ZBTB7C: variants seen among roughly 807,000 people sequenced by gnomAD.
ZBTB7C encodes the protein zinc finger and BTB domain containing 7C.
ZBTB7C carries 8 observed loss-of-function variants against 25.7 expected under a neutral mutation model. The ratio of observed to expected loss-of-function variants is 0.31; its 90% CI spans 0.18 to 0.56. The LOEUF (loss-of-function observed/expected upper bound fraction) is 0.56, where lower values mean the gene tolerates loss of function less well. Ranked by LOEUF, ZBTB7C falls within the 20% of genes least tolerant of loss-of-function variation. The pLI, the probability that ZBTB7C is intolerant of heterozygous loss-of-function variation, is 0.91. For missense variants in ZBTB7C, 824 were observed against 855.2 expected (o/e 0.96, Z 0.46); for synonymous variants, 394 against 369.0 (o/e 1.07, Z -0.78).
chr18:48,179,054 C>T (rs2041788456), intron 3 of ZBTB7C, among the ~76,000 whole-genome samples: 1 of 152,174 alleles, frequency 6.6e-6, no homozygotes. Context: ...GATCAAACTG[C>T]CTTGCCGTTT....
At chr18:48,185,455 C>T (rs754651297) in intron 3 of ZBTB7C, 3 of 338,690 alleles carry the variant, frequency 8.9e-6, no homozygotes, top group Non-Finnish European at 1.7e-5. Context: ...CTGCCTGGCA[C>T]CTGGTGATTA....
At chr18:48,172,159 A>G (rs1281300684) in intron 3 of ZBTB7C, among the ~76,000 whole-genome samples, 1 of 152,190 alleles carries the variant, frequency 6.6e-6, no homozygotes, top group Non-Finnish European at 1.5e-5. Flanking sequence ...TAGTTTGAGA[A>G]AGGTATCTGG....
chr18:48,259,806 A>G (rs1023329989), intron 2 of ZBTB7C, among the ~76,000 whole-genome samples: 1 of 152,236 alleles, frequency 6.6e-6, no homozygotes, highest in Non-Finnish European at 1.5e-5. Context: ...CAAAACCACA[A>G]TGATATATCC....
chr18:48,319,439 G>A (rs1360844147), intron 2 of ZBTB7C, among the ~76,000 whole-genome samples: 1 of 152,120 alleles, frequency 6.6e-6, no homozygotes, highest in Non-Finnish European at 1.5e-5. Context: ...CTTAATCGAT[G>A]TTAGCTACGA....
chr18:48,329,197 A>G (rs886525746), intron 2 of ZBTB7C, among the ~76,000 whole-genome samples: 6 of 152,230 alleles, frequency 3.9e-5, no homozygotes, highest in Non-Finnish European at 8.8e-5. Context: ...ACATTGATCA[A>G]TTAACAAGTA....
At chr18:48,362,572 C>T (rs74850459) in intron 1 of ZBTB7C, among the ~76,000 whole-genome samples, 1,960 of 152,298 alleles carry the variant, frequency 0.013, 36 homozygotes, top group African/African-American at 0.045. Context: ...GCCTGCAGAG[C>T]CATGAACAAT....
At chr18:48,210,113 T>G (rs2042669589) in intron 2 of ZBTB7C, among the ~76,000 whole-genome samples, 1 of 152,180 alleles carries the variant, frequency 6.6e-6, no homozygotes, top group East Asian at 1.9e-4. Context: ...AAAACCATAA[T>G]AAGATATCAC....
intron 3 of ZBTB7C, among the ~76,000 whole-genome samples, chr18:48,081,176 A>G (rs1456465118): frequency 4.6e-5 from 7 of 152,250 alleles, no homozygotes; most frequent in Non-Finnish European, 1.0e-4. Flanking sequence ...AAAATGAGAC[A>G]TCAGGAGGCC....
rs2035659426 is a variant in ZBTB7C, at chr18:48,029,714, C to T, written c.1406G>A (p.Arg469His). 6.2e-7 allele frequency: 1 copy of T among 1,605,158 alleles called. No homozygotes were observed. Among genetic ancestry groups the T allele is most frequent in the East Asian group, 2.2e-5 (1 of 44,810 alleles). ...RSDHLHRHIKRQSCRMARPRR... is the reference protein window; with the variant it reads ...RSDHLHRHIKHQSCRMARPRR... ...GGGCCGTGCCATGCGGCAGCTCTGGCGCTTGATGTGGCGGTGCAGGTGGTC... is the reference window on the plus strand; with the variant it reads ...GGGCCGTGCCATGCGGCAGCTCTGGTGCTTGATGTGGCGGTGCAGGTGGTC... Residue 469 changes from arginine (R) to histidine (H), a missense_variant, in exon 5 of 5, where the codon CGC becomes CAC. This residue lies in a region of ZBTB7C where 342 missense variants were observed against 307.0 expected (regional missense o/e 1.11). Coordinates refer to ENST00000590800, the MANE Select transcript of ZBTB7C (RefSeq NM_001318841.2).
intron 3 of ZBTB7C, among the ~76,000 whole-genome samples, chr18:48,183,862 G>A (rs778347889): frequency 6.6e-6 from 1 of 152,200 alleles, no homozygotes; most frequent in Non-Finnish European, 1.5e-5. Context: ...TGCAGTTGAT[G>A]TGGACCAGAC....
At chr18:48,201,654 C>T (rs1274709377) in intron 2 of ZBTB7C, among the ~76,000 whole-genome samples, 2 of 152,194 alleles carry the variant, frequency 1.3e-5, no homozygotes, top group Non-Finnish European at 2.9e-5. Flanking sequence ...TTTATCTCCA[C>T]CCCAGGTGCC....
intron 2 of ZBTB7C, among the ~76,000 whole-genome samples, chr18:48,195,507 G>A (rs2042298781): frequency 6.6e-6 from 1 of 152,174 alleles, no homozygotes; most frequent in African/African-American, 2.4e-5. Flanking sequence ...TTGCCATGAT[G>A]GTGAGGCCTC....
intron 3 of ZBTB7C, among the ~76,000 whole-genome samples, chr18:48,161,943 G>A (rs1351626447): frequency 1.3e-5 from 2 of 148,622 alleles, no homozygotes; most frequent in African/African-American, 4.9e-5. Flanking sequence ...CCGCCTCCCC[G>A]GGAGGCCGCG....
In ZBTB7C at chr18:48,029,570, T is replaced by A. The variant is rs1431823907; in HGVS notation, c.1550A>T (p.His517Leu). The A allele has an allele frequency of 8.6e-6, 13 of 1,506,188 alleles. No homozygotes were observed. Among genetic ancestry groups the A allele is most frequent in the Non-Finnish European group, 1.1e-5 (12 of 1,142,284 alleles). 93.3% of individuals were successfully genotyped at this position (1,506,188 alleles called of 1,614,324 possible). ...GAGGCACACAGCTGCGCCGCCCAGG[T>A]GGCCGCCCACCTCGCCCAGCGCAGG... ...MPPALGEVGG[H>L]LGGAAVCLPG... Residue 517 changes from histidine to leucine, a missense_variant, in exon 5 of 5, where the codon CAC becomes CTC. Coordinates refer to ENST00000590800, the MANE Select transcript of ZBTB7C (RefSeq NM_001318841.2).
intron 3 of ZBTB7C, among the ~76,000 whole-genome samples, chr18:48,173,071 C>A (rs1037385930): frequency 1.3e-5 from 2 of 152,206 alleles, no homozygotes; most frequent in Non-Finnish European, 2.9e-5. Flanking sequence ...CTTGAACATG[C>A]CATCTTCCTC....
At chr18:48,210,084 C>G (rs147652659) in intron 2 of ZBTB7C, among the ~76,000 whole-genome samples, 164 of 152,228 alleles carry the variant, frequency 1.1e-3, no homozygotes, top group African/African-American at 3.6e-3. Context: ...TATCATTAGC[C>G]ACCAGGGAAA....
intron 1 of ZBTB7C, among the ~76,000 whole-genome samples, chr18:48,407,596 T>C (rs1599062422): frequency 1.3e-5 from 2 of 152,264 alleles, no homozygotes; most frequent in South Asian, 4.1e-4. Context: ...ATGTCATTTC[T>C]AGTCTCACTG....
At chr18:48,281,495 A>G (rs2044847930) in intron 2 of ZBTB7C, among the ~76,000 whole-genome samples, 1 of 152,316 alleles carries the variant, frequency 6.6e-6, no homozygotes, top group African/African-American at 2.4e-5. Context: ...CTGCATAGCA[A>G]AAGAAACTAC....
chr18:48,206,011 C>G (rs138762978), intron 2 of ZBTB7C, among the ~76,000 whole-genome samples: 2 of 152,154 alleles, frequency 1.3e-5, no homozygotes, highest in African/African-American at 2.4e-5. Flanking sequence ...CCAAAGGAGA[C>G]TCTAGATTCA....
Sources: allele counts gnomAD v4.1 joint callset (sites outside exome capture counted in the v4.1 genomes callset), GRCh38; gene constraint gnomAD v4.1.1; regional missense constraint gnomAD v4.1.1; transcripts MANE v1.5; gene names NCBI Gene and HGNC (gene_info 2026-07-23, HGNC 2026-07-21).